EIPR1: variants seen among roughly 807,000 people sequenced by gnomAD.
EIPR1 encodes the protein EARP and GARP complex-interacting protein 1.
In EIPR1, 25 loss-of-function variants were observed where a neutral mutation model predicts 48.1. That is an observed-to-expected ratio of 0.52 (90% CI 0.38 to 0.73). The LOEUF is 0.73. EIPR1 is among the 30% of genes least tolerant of loss of function. EIPR1 has a pLI of 0.00. For missense variants in EIPR1, 415 were observed against 506.2 expected, an observed-to-expected ratio of 0.82 and a Z score of 1.73; for synonymous variants, 204 against 201.9, an observed-to-expected ratio of 1.01 and a Z score of -0.09.
intron 2 of EIPR1, among the ~76,000 whole-genome samples, chr2:3,343,008 G>T (rs1312871988): frequency 1.3e-5 from 2 of 152,220 alleles, no homozygotes; most frequent in African/African-American, 4.8e-5. Context: ...ACACTTGAGT[G>T]CCTTAATCCT....
intron 1 of EIPR1, among the ~76,000 whole-genome samples, chr2:3,367,487 TTCCCA>T: frequency 6.6e-6 from 1 of 152,172 alleles, no homozygotes; most frequent in African/African-American, 2.4e-5. Context: ...AGAAGGAAAA[TTCCCA>T]AGTGCTTTTT....
chr2:3,292,255 T>A (rs886208152), intron 3 of EIPR1, among the ~76,000 whole-genome samples: 1 of 152,184 alleles, frequency 6.6e-6, no homozygotes, highest in Admixed American at 6.5e-5. Flanking sequence ...GGCTGACCCA[T>A]CATTTATGTT....
chr2:3,374,548 C>A (rs973199793), intron 1 of EIPR1, among the ~76,000 whole-genome samples: 4 of 152,150 alleles, frequency 2.6e-5, no homozygotes, highest in Admixed American at 1.3e-4. Context: ...AAACAAAAAA[C>A]CCCATCAAAA....
At chr2:3,256,081 T>C (rs1667146503) in intron 4 of EIPR1, among the ~76,000 whole-genome samples, 1 of 152,118 alleles carries the variant, frequency 6.6e-6, no homozygotes, top group African/African-American at 2.4e-5. Flanking sequence ...ACTCAGAGCA[T>C]CTCCGTAAGA....
intron 3 of EIPR1, among the ~76,000 whole-genome samples, chr2:3,284,188 C>T (rs1351967305): frequency 4.2e-5 from 6 of 144,398 alleles, no homozygotes; most frequent in Admixed American, 1.4e-4. Flanking sequence ...CACGGCTGCA[C>T]GTAAGCTGGG....
At chr2:3,284,228 C>A (rs1179197284) in intron 3 of EIPR1, among the ~76,000 whole-genome samples, 16 of 137,500 alleles carry the variant, frequency 1.2e-4, no homozygotes, top group African/African-American at 4.4e-4. Context: ...AGGCCGCCCA[C>A]AGGCACAGAA....
intron 5 of EIPR1, among the ~76,000 whole-genome samples, chr2:3,213,289 A>G (rs1174508633): frequency 6.6e-6 from 1 of 152,234 alleles, no homozygotes; most frequent in Non-Finnish European, 1.5e-5. Context: ...AAACAAACGC[A>G]ATGAAATTAT....
chr2:3,314,101 G>A (rs1386872127), intron 3 of EIPR1, among the ~76,000 whole-genome samples: 3 of 152,210 alleles, frequency 2.0e-5, no homozygotes, highest in Non-Finnish European at 2.9e-5. Flanking sequence ...CTGGCCATAT[G>A]TCATTGGGGC....
Position 3,189,285 on chromosome 2 carries a change from G to T in EIPR1, c.*49C>A, listed in dbSNP as rs2103098360. On this transcript the variant is annotated 3_prime_UTR_variant, in exon 9 of 9. Transcript: ENST00000382125. The surrounding 1 kb of genome is among the most constrained non-coding windows in gnomAD (Gnocchi z 4.6). Reference sequence around the variant, plus strand: ...AAGAGCTGCGACTGTTTGAGAATCTGCCAAGAGGAAAACCACTCAATGGGA... The same window carrying T: ...AAGAGCTGCGACTGTTTGAGAATCTTCCAAGAGGAAAACCACTCAATGGGA... 1 of 1,479,982 alleles carries T rather than the reference G, an allele frequency of 6.8e-7. No homozygotes were observed. The highest frequency in any genetic ancestry group is 9.1e-7 in the Non-Finnish European group (1 of 1,101,458). 91.7% of individuals were successfully genotyped at this position (1,479,982 alleles called of 1,614,324 possible).
intron 3 of EIPR1, among the ~76,000 whole-genome samples, chr2:3,270,169 A>G (rs1558264275): frequency 6.6e-6 from 1 of 152,218 alleles, no homozygotes; most frequent in Non-Finnish European, 1.5e-5. Flanking sequence ...TGGAAAGCAC[A>G]AAGCAGGGGT....
At chr2:3,359,242 A>C (rs1670799882) in intron 1 of EIPR1, among the ~76,000 whole-genome samples, 1 of 152,224 alleles carries the variant, frequency 6.6e-6, no homozygotes, top group Non-Finnish European at 1.5e-5. Flanking sequence ...AAATAGAAGA[A>C]AACCAAAAAT....
At chr2:3,327,318 G>T (rs1669727922) in intron 3 of EIPR1, among the ~76,000 whole-genome samples, 1 of 152,012 alleles carries the variant, frequency 6.6e-6, no homozygotes, top group Admixed American at 6.5e-5. Flanking sequence ...CGAGTAGCTG[G>T]GACTACAGGC....
At position 3,208,564 on chromosome 2, in the gene EIPR1, G is replaced by C. The variant is rs112783847; in HGVS notation, c.516+5585C>G. 3.5e-5 allele frequency: 55 copies of C among 1,549,942 alleles called. No homozygotes were observed. In the African/African-American group the frequency reaches 3.6e-4, roughly 10 times the overall value. ...ATAGTGAGAAATGACCATTTGTTGG[G>C]AAAAGTCCTTATTACCCTCTCCAAA... On this transcript the variant is annotated intron_variant, in intron 5 of 8. Coordinates refer to ENST00000382125, the MANE Select transcript of EIPR1 (RefSeq NM_003310.5).
At chr2:3,252,702 C>T (rs1667037333) in intron 4 of EIPR1, among the ~76,000 whole-genome samples, 3 of 152,134 alleles carry the variant, frequency 2.0e-5, no homozygotes, top group African/African-American at 7.2e-5. Flanking sequence ...GAGACAGGAG[C>T]GTCTAAGTGG....
intron 4 of EIPR1, among the ~76,000 whole-genome samples, chr2:3,246,847 GGGAA>G (rs1666821944): frequency 2.6e-5 from 2 of 77,282 alleles, no homozygotes; most frequent in Non-Finnish European, 5.2e-5. Context: ...GAGGAAGGGA[GGGAA>G]GGAGGAAGGG....
chr2:3,338,613 A>G (rs528799818), intron 2 of EIPR1, among the ~76,000 whole-genome samples: 2 of 152,266 alleles, frequency 1.3e-5, no homozygotes, highest in East Asian at 1.9e-4. Context: ...CTCTGTCTAT[A>G]GTGGGCAGAA....
chr2:3,266,638 T>C (rs539114016), intron 3 of EIPR1, among the ~76,000 whole-genome samples: 68 of 151,990 alleles, frequency 4.5e-4, no homozygotes, highest in African/African-American at 1.5e-3. Context: ...CAGCAGGAGG[T>C]GGTGCCAGCA....
At chr2:3,295,958 G>A (rs1668567415) in intron 3 of EIPR1, among the ~76,000 whole-genome samples, 1 of 85,310 alleles carries the variant, frequency 1.2e-5, no homozygotes, top group Non-Finnish European at 2.2e-5. Context: ...CCTCCATCCA[G>A]CCCATCCTCT....
chr2:3,334,091 C>G (rs1048064129), intron 3 of EIPR1, among the ~76,000 whole-genome samples: 1 of 152,310 alleles, frequency 6.6e-6, no homozygotes, highest in Admixed American at 6.5e-5. Flanking sequence ...CGTGGGTCTC[C>G]AAGTACAGCA....
Sources: gnomAD v4.1 joint callset for allele counts (sites outside exome capture counted in the v4.1 genomes callset) on GRCh38, gnomAD v4.1.1 for gene constraint, Gnocchi (gnomAD v3.1) non-coding constraint, MANE v1.5 for transcripts, NCBI Gene and HGNC (gene_info 2026-07-23, HGNC 2026-07-21) for gene names.